Variants in ATP8B4 observed in about 807,000 individuals in gnomAD.
ATP8B4 encodes ATPase phospholipid transporting 8B4 (putative), also known as probable phospholipid-transporting ATPase IM.
ATP8B4 carries 133 observed loss-of-function variants against 145.6 expected under a neutral mutation model. The observed-to-expected ratio is 0.91, with a 90% CI of 0.79 to 1.05. ATP8B4 has a LOEUF of 1.05. Among genes scored for constraint, ATP8B4 ranks in the 50% least tolerant of loss-of-function variants. The pLI is 0.00. For missense variants in ATP8B4, 1,458 were observed against 1,425.2 expected, an observed-to-expected ratio of 1.02 and a Z score of -0.37; for synonymous variants, 507 against 492.9, an observed-to-expected ratio of 1.03 and a Z score of -0.38.
chr15:49,868,186 C>G (rs768943614), intron 25 of ATP8B4, among the ~76,000 whole-genome samples: 1 of 152,268 alleles, frequency 6.6e-6, no homozygotes, highest in South Asian at 2.1e-4. Context: ...GTGACATAAT[C>G]TTTTATACAG....
intron 2 of ATP8B4, among the ~76,000 whole-genome samples, chr15:50,102,265 A>T (rs762600327): frequency 6.6e-6 from 1 of 152,068 alleles, no homozygotes; most frequent in Non-Finnish European, 1.5e-5. Context: ...AATGAATTTG[A>T]AACAAAAAAA....
chr15:49,917,193 C>T (rs2039828416), intron 19 of ATP8B4, 154 bp from the exon 20 acceptor site: 1 of 615,330 alleles, frequency 1.6e-6, no homozygotes, highest in Admixed American at 3.2e-5. Flanking sequence ...ACAAGCAGTG[C>T]AGAGGGAAAT....
intron 3 of ATP8B4, among the ~76,000 whole-genome samples, chr15:50,064,345 G>C (rs1368509012): frequency 6.6e-6 from 1 of 152,116 alleles, no homozygotes; most frequent in African/African-American, 2.4e-5. Context: ...GACTGCTAGA[G>C]ACACCAAGTC....
At chr15:49,888,885 G>A (rs2036496815) in intron 23 of ATP8B4, among the ~76,000 whole-genome samples, 1 of 152,098 alleles carries the variant, frequency 6.6e-6, no homozygotes, top group Admixed American at 6.5e-5. Context: ...AGCAGAAGGT[G>A]TCCTCAAGCT....
chr15:50,135,007 C>G (rs1370590522), intron 1 of ATP8B4, among the ~76,000 whole-genome samples: 1 of 152,162 alleles, frequency 6.6e-6, no homozygotes, highest in Non-Finnish European at 1.5e-5. Context: ...AAAACAAAAC[C>G]TGAACATTGT....
At chr15:49,867,040 T>G (rs2032911462) in intron 25 of ATP8B4, among the ~76,000 whole-genome samples, 1 of 152,156 alleles carries the variant, frequency 6.6e-6, no homozygotes, top group African/African-American at 2.4e-5. Flanking sequence ...ATTCAGAAAC[T>G]GGGATTCACA....
chr15:49,898,156 T>C lies in ATP8B4; in HGVS notation c.2385A>G (p.Lys795=), dbSNP rs778900850. ...VICCRVTPLQ[K]AQVVELVKKY... ...TCTTCACCAGCTCTACCACTTGGGC[T>C]TTCTGGAGTGGAGTGACCCTGCAGC... The change falls in exon 22 of 28, where the codon AAA becomes AAG. Residue 795 remains lysine (K), a synonymous_variant. Coordinates refer to ENST00000284509, the MANE Select transcript of ATP8B4 (RefSeq NM_024837.4). 1 of 1,613,956 alleles carries C rather than the reference T, an allele frequency of 6.2e-7. No homozygotes were observed. Among genetic ancestry groups the C allele is most frequent in the Non-Finnish European group, 8.5e-7 (1 of 1,179,896 alleles).
chr15:50,105,371 A>G (rs1023392335), intron 2 of ATP8B4, among the ~76,000 whole-genome samples: 1 of 152,070 alleles, frequency 6.6e-6, no homozygotes, highest in Non-Finnish European at 1.5e-5. Flanking sequence ...TAATAATTGT[A>G]TAATTAAGGT....
chr15:50,151,373 CTA>C (rs2044345211), intron 1 of ATP8B4, among the ~76,000 whole-genome samples: 1 of 152,114 alleles, frequency 6.6e-6, no homozygotes. Flanking sequence ...TAGATTTTAC[CTA>C]TAGTCTTAAG....
At chr15:50,000,663 T>C (rs1352007568) in intron 8 of ATP8B4, among the ~76,000 whole-genome samples, 3 of 152,180 alleles carry the variant, frequency 2.0e-5, no homozygotes, top group Non-Finnish European at 4.4e-5. Flanking sequence ...TATCTTTAAG[T>C]CCTCCTAACA....
intron 4 of ATP8B4, 32 bp from the exon 5 acceptor site, chr15:50,044,724 T>C (rs772444692): frequency 2.7e-6 from 4 of 1,495,720 alleles, no homozygotes; most frequent in Non-Finnish European, 3.7e-6. Flanking sequence ...GTTTAGGGCT[T>C]TTAAAGTTAG....
chr15:50,018,042 C>T (rs1242744584), intron 6 of ATP8B4, among the ~76,000 whole-genome samples: 1 of 146,112 alleles, frequency 6.8e-6, no homozygotes, highest in African/African-American at 2.6e-5. Flanking sequence ...GGCTGGAGTG[C>T]AGTGGCACCA....
At chr15:50,108,136 T>C (rs548161567) in intron 1 of ATP8B4, among the ~76,000 whole-genome samples, 1 of 152,130 alleles carries the variant, frequency 6.6e-6, no homozygotes, top group South Asian at 2.1e-4. Context: ...AACTCCCCTG[T>C]TGCTCCCTCC....
chr15:49,898,321 T>C, intron 21 of ATP8B4, 70 bp from the exon 22 acceptor site: 1 of 1,458,386 alleles, frequency 6.9e-7, no homozygotes, highest in South Asian at 1.2e-5. Flanking sequence ...ACAAGACAAA[T>C]GTTTTGTTTG....
intron 1 of ATP8B4, among the ~76,000 whole-genome samples, chr15:50,145,380 A>G (rs947761531): frequency 1.3e-5 from 2 of 152,306 alleles, no homozygotes; most frequent in African/African-American, 4.8e-5. Flanking sequence ...TTTTTTCAGT[A>G]TATTACATTA....
chr15:49,983,311 C>G (rs1421829944), intron 10 of ATP8B4, among the ~76,000 whole-genome samples: 1 of 152,212 alleles, frequency 6.6e-6, no homozygotes, highest in African/African-American at 2.4e-5. Context: ...TTACAATCTT[C>G]CTCCAAGCTT....
At chr15:49,863,937 A>C (rs937447780) in intron 26 of ATP8B4, among the ~76,000 whole-genome samples, 1 of 152,172 alleles carries the variant, frequency 6.6e-6, no homozygotes, top group African/African-American at 2.4e-5. Context: ...TGCACAAATT[A>C]CTTTCTCCAG....
At chr15:50,092,671 T>A (rs1054289061) in intron 2 of ATP8B4, among the ~76,000 whole-genome samples, 2 of 151,856 alleles carry the variant, frequency 1.3e-5, no homozygotes, top group African/African-American at 4.8e-5. Flanking sequence ...AAACTGCATA[T>A]GGAAAGATGA....
intron 10 of ATP8B4, among the ~76,000 whole-genome samples, chr15:49,982,783 C>T (rs775536492): frequency 6.6e-6 from 1 of 152,098 alleles, no homozygotes; most frequent in Non-Finnish European, 1.5e-5. Flanking sequence ...CAACAGCCTC[C>T]GTTTTCTTAT....
Sources: allele counts gnomAD v4.1 joint callset (sites outside exome capture counted in the v4.1 genomes callset), GRCh38; gene constraint gnomAD v4.1.1; transcripts MANE v1.5; gene names NCBI Gene and HGNC (gene_info 2026-07-23, HGNC 2026-07-21).